CCDC7: variants seen among roughly 807,000 people sequenced by gnomAD.
CCDC7 encodes the protein coiled-coil domain-containing protein 7.
A neutral mutation model predicts 196.9 loss-of-function variants in CCDC7; 183 were observed. That is an observed-to-expected ratio of 0.93 (90% CI 0.82 to 1.05). CCDC7 has a LOEUF of 1.05. CCDC7 is among the 50% of genes least tolerant of loss of function. The probability of loss-of-function intolerance (pLI) is 0.00; values close to 1 mark genes in which losing one functional copy is unlikely to be tolerated. For synonymous variants in CCDC7, 525 were observed against 484.6 expected, an observed-to-expected ratio of 1.08 and a Z score of -1.10; for missense variants, 1,540 against 1,482.2, an observed-to-expected ratio of 1.04 and a Z score of -0.64.
intron 8 of CCDC7, among the ~76,000 whole-genome samples, chr10:32,480,661 T>G (rs2039802772): frequency 6.6e-6 from 1 of 152,230 alleles, no homozygotes; most frequent in South Asian, 2.1e-4. Flanking sequence ...TTGTAAATCT[T>G]TCAATTTTTC....
chr10:32,495,756 TGTTTTG>T (rs2042819815), intron 9 of CCDC7, among the ~76,000 whole-genome samples: 1 of 152,206 alleles, frequency 6.6e-6, no homozygotes, highest in South Asian at 2.1e-4. Context: ...TCTATATATC[TGTTTTG>T]GTACCAGTAC....
At chr10:32,557,272 C>CTT (rs577715660) in intron 13 of CCDC7, among the ~76,000 whole-genome samples, 1 of 142,134 alleles carries the variant, frequency 7.0e-6, no homozygotes, top group Non-Finnish European at 1.5e-5. Context: ...ACTTTTATTG[C>CTT]TTTTTTTTTT....
intron 24 of CCDC7, among the ~76,000 whole-genome samples, chr10:32,695,591 T>C (rs576464071): frequency 5.6e-4 from 85 of 152,220 alleles, no homozygotes; most frequent in African/African-American, 1.9e-3. Flanking sequence ...TGACTAAAGC[T>C]GAGAGTGACC....
At chr10:32,882,303 G>A (rs924579826) in intron 22 of CCDC7, among the ~76,000 whole-genome samples, 22 of 152,132 alleles carry the variant, frequency 1.4e-4, no homozygotes, top group Non-Finnish European at 2.6e-4. Flanking sequence ...GCAGATTAAG[G>A]ACTTAGACAT....
At chr10:32,659,659 A>C (rs1467667811) in intron 20 of CCDC7, among the ~76,000 whole-genome samples, 1 of 152,240 alleles carries the variant, frequency 6.6e-6, no homozygotes, top group African/African-American at 2.4e-5. Flanking sequence ...CCCATTAAAA[A>C]GTGGGCAAAA....
chr10:32,828,479 GGAAGAGGAAGAAGAAGAAGAA>G (rs1464235026), intron 32 of CCDC7, among the ~76,000 whole-genome samples: 715 of 61,422 alleles, frequency 0.012, 7 homozygotes, highest in African/African-American at 0.014. Context: ...AAGAGGAAGA[GGAAGAGGAAGAAGAAGAAGAA>G]GAAGAAGAAG....
intron 41 of CCDC7, among the ~76,000 whole-genome samples, chr10:32,856,081 G>A (rs887159376): frequency 1.3e-5 from 2 of 152,056 alleles, no homozygotes; most frequent in African/African-American, 4.8e-5. Flanking sequence ...TTAACTCAAA[G>A]TAGACCGAAA....
At chr10:32,563,314 G>A (rs1189194636) in intron 13 of CCDC7, among the ~76,000 whole-genome samples, 1 of 152,032 alleles carries the variant, frequency 6.6e-6, no homozygotes, top group Non-Finnish European at 1.5e-5. Flanking sequence ...AAGTTCATAT[G>A]GAACCAAAAA....
At chr10:32,580,120 T>A (rs1293841804) in intron 16 of CCDC7, among the ~76,000 whole-genome samples, 4 of 152,282 alleles carry the variant, frequency 2.6e-5, no homozygotes, top group Non-Finnish European at 4.4e-5. Context: ...TCTCATTAAC[T>A]GATGACTTTT....
chr10:32,728,199 G>C (rs962022933), intron 26 of CCDC7, among the ~76,000 whole-genome samples: 2 of 152,126 alleles, frequency 1.3e-5, no homozygotes, highest in Non-Finnish European at 2.9e-5. Context: ...TTAAGTTTAA[G>C]AAGAGTACAT....
Position 32,870,241 on chromosome 10 carries a change from T to C in CCDC7, c.4112-6106T>C, listed in dbSNP as rs555051698. Among the ~76,000 whole-genome samples, 132 of 152,322 alleles carry C rather than the reference T, an allele frequency of 8.7e-4. 2 individuals carry two copies. The Middle Eastern group carries it at 0.02, about 24-fold the overall frequency. ...CTTCCTACCCATGAGCATGGAATGTTCTTCCATTTGTTTGTGTCCTCTTTT... is the reference window on the plus strand; with the variant it reads ...CTTCCTACCCATGAGCATGGAATGTCCTTCCATTTGTTTGTGTCCTCTTTT... On this transcript the variant is annotated intron_variant, in intron 41 of 41. Transcript: ENST00000639629.
chr10:32,749,108 G>T (rs996976104), intron 28 of CCDC7, among the ~76,000 whole-genome samples: 3 of 152,150 alleles, frequency 2.0e-5, no homozygotes, highest in Non-Finnish European at 4.4e-5. Context: ...GCTTCATTAA[G>T]TTGTGATTCC....
chr10:32,637,480 C>G (rs371772634), intron 20 of CCDC7, among the ~76,000 whole-genome samples: 1 of 152,088 alleles, frequency 6.6e-6, no homozygotes, highest in Non-Finnish European at 1.5e-5. Flanking sequence ...CATTTATTAA[C>G]TAGGGAATCC....
chr10:32,634,677 G>A (rs2065354337), intron 19 of CCDC7, among the ~76,000 whole-genome samples: 1 of 152,180 alleles, frequency 6.6e-6, no homozygotes, highest in South Asian at 2.1e-4. Flanking sequence ...TTACAGGTGT[G>A]AGCCACTGCA....
At chr10:32,612,576 A>G (rs1257485460) in intron 18 of CCDC7, among the ~76,000 whole-genome samples, 2 of 152,226 alleles carry the variant, frequency 1.3e-5, no homozygotes, top group East Asian at 3.9e-4. Context: ...AGCTCTTATT[A>G]TTTTAAGATA....
At chr10:32,738,473 C>CTTTTTTTTTTTTT (rs33944221) in intron 28 of CCDC7, among the ~76,000 whole-genome samples, 3 of 109,680 alleles carry the variant, frequency 2.7e-5, no homozygotes, top group Non-Finnish European at 5.2e-5. Flanking sequence ...GTTTCTTTCA[C>CTTTTTTTTTTTTT]TTTTTTTTTT....
intron 28 of CCDC7, 101 bp from the exon 30 acceptor site, chr10:32,778,876 T>A (rs2080560459): frequency 1.3e-6 from 1 of 797,788 alleles, no homozygotes; most frequent in Admixed American, 2.5e-5. Context: ...GCAGTTCTCG[T>A]TGTAGAGATC....
At chr10:32,792,236 T>C (rs77156606) in intron 29 of CCDC7, among the ~76,000 whole-genome samples, 1 of 152,208 alleles carries the variant, frequency 6.6e-6, no homozygotes, top group Non-Finnish European at 1.5e-5. Context: ...CAATAAATAC[T>C]ATCATGAATA....
At chr10:32,656,563 C>T (rs1394401787) in intron 20 of CCDC7, among the ~76,000 whole-genome samples, 1 of 152,182 alleles carries the variant, frequency 6.6e-6, no homozygotes, top group Non-Finnish European at 1.5e-5. Flanking sequence ...ACCATCAGAT[C>T]TTGTGATAAC....
Sources: gnomAD v4.1 joint callset for allele counts (sites outside exome capture counted in the v4.1 genomes callset) on GRCh38, gnomAD v4.1.1 for gene constraint, MANE v1.5 for transcripts, NCBI Gene and HGNC (gene_info 2026-07-23, HGNC 2026-07-21) for gene names.